The following ERBB4 variants were observed in gnomAD, a reference collection of about 807,000 sequenced individuals.
ERBB4 encodes the protein receptor tyrosine-protein kinase erbB-4.
A neutral mutation model predicts 158.0 loss-of-function variants in ERBB4; 42 were observed. That is an observed-to-expected ratio of 0.27 (90% CI 0.21 to 0.34). The LOEUF (loss-of-function observed/expected upper bound fraction) is 0.34, where lower values mean the gene tolerates loss of function less well. Ranked by LOEUF, ERBB4 falls within the 10% of genes least tolerant of loss-of-function variation. ERBB4 has a pLI of 1.00. For missense variants in ERBB4, 1,333 were observed against 1,624.1 expected, an observed-to-expected ratio of 0.82 and a Z score of 3.08; for synonymous variants, 583 against 558.7, an observed-to-expected ratio of 1.04 and a Z score of -0.61.
chr2:211,770,394 A>G (rs957970055), intron 4 of ERBB4, among the ~76,000 whole-genome samples: 1 of 152,318 alleles, frequency 6.6e-6, no homozygotes, highest in South Asian at 2.1e-4. Context: ...TTAAAAACTC[A>G]CCATTTTAAA....
chr2:212,177,266 A>G (rs2081698244), intron 1 of ERBB4, among the ~76,000 whole-genome samples: 1 of 151,784 alleles, frequency 6.6e-6, no homozygotes, highest in Non-Finnish European at 1.5e-5. Context: ...TGGTGTTCTC[A>G]TTTTTTAAAA....
intron 19 of ERBB4, 137 bp from the exon 20 acceptor site, chr2:211,562,225 T>G: frequency 1.4e-6 from 1 of 727,072 alleles, no homozygotes; most frequent in Non-Finnish European, 2.4e-6. Flanking sequence ...TGAAAAGACA[T>G]AATTTCAGTT....
At chr2:212,223,402 A>T (rs927508787) in intron 1 of ERBB4, among the ~76,000 whole-genome samples, 161 of 141,046 alleles carry the variant, frequency 1.1e-3, no homozygotes, top group Non-Finnish European at 2.0e-3. Context: ...ATCTTCATAT[A>T]TATTTATCAA....
At chr2:211,810,520 G>GT in intron 3 of ERBB4, among the ~76,000 whole-genome samples, 1 of 151,918 alleles carries the variant, frequency 6.6e-6, no homozygotes, top group Non-Finnish European at 1.5e-5. Flanking sequence ...AACCCCGGCC[G>GT]TTTTTTTGCT....
intron 1 of ERBB4, among the ~76,000 whole-genome samples, chr2:212,409,709 A>T (rs73987398): frequency 0.023 from 3,542 of 152,244 alleles, 136 homozygotes; most frequent in African/African-American, 0.081. Context: ...TTAAATTTGC[A>T]GAATGAGTTG....
intron 2 of ERBB4, among the ~76,000 whole-genome samples, chr2:212,003,204 A>G (rs866046996): frequency 1.8e-4 from 9 of 48,806 alleles, no homozygotes; most frequent in African/African-American, 3.7e-4. Context: ...AAAGAAAGAA[A>G]GACAGAAAGA....
At chr2:212,498,037 TTTTA>T (rs1275325686) in intron 1 of ERBB4, among the ~76,000 whole-genome samples, 4 of 152,124 alleles carry the variant, frequency 2.6e-5, no homozygotes, top group African/African-American at 9.7e-5. Flanking sequence ...CCCTAATATA[TTTTA>T]TTTAGCCAAT....
chr2:211,622,989 AAATATATATATATATATATATATATATAT>A lies in ERBB4; in HGVS notation c.2202+904_2202+932del, dbSNP rs1386362415. Among the ~76,000 whole-genome samples the A allele has an allele frequency of 4.3e-3, 75 of 17,414 alleles. 3 individuals are homozygous for A. The highest frequency in any genetic ancestry group is 5.4e-3 in the Non-Finnish European group (56 of 10,336). 11.4% of individuals were successfully genotyped at this position (17,414 alleles called of 152,430 possible). A position where few individuals can be genotyped will look rare whatever the true frequency, so the allele number is the denominator to read the frequency against. On this transcript the variant is annotated intron_variant, in intron 18 of 27. Coordinates refer to ENST00000342788, the MANE Select transcript of ERBB4 (RefSeq NM_005235.3). ...AAAAAAAAAAAAAAAAAAAAAAAAA[AAATATATATATATATATATATATATATAT>A]ATATATATATATATATATATATATA... is the stretch of plus-strand genomic sequence containing the variant.
At chr2:211,660,490 C>T (rs73080746) in intron 15 of ERBB4, among the ~76,000 whole-genome samples, 1 of 152,134 alleles carries the variant, frequency 6.6e-6, no homozygotes, top group South Asian at 2.1e-4. Flanking sequence ...GTGGTACTAT[C>T]CTTGAGAGAA....
chr2:212,411,002 TTAGA>T (rs2091481685), intron 1 of ERBB4, among the ~76,000 whole-genome samples: 1 of 151,666 alleles, frequency 6.6e-6, no homozygotes, highest in African/African-American at 2.4e-5. Flanking sequence ...CAATTTATAT[TTAGA>T]TAAATTAAAA....
chr2:212,447,375 A>C (rs2106005933), intron 1 of ERBB4, among the ~76,000 whole-genome samples: 1 of 149,334 alleles, frequency 6.7e-6, no homozygotes, highest in South Asian at 2.1e-4. Flanking sequence ...GTCCTACAAA[A>C]AGCTATTTTT....
At chr2:212,316,045 A>C (rs2087260753) in intron 1 of ERBB4, among the ~76,000 whole-genome samples, 1 of 151,520 alleles carries the variant, frequency 6.6e-6, no homozygotes, top group Non-Finnish European at 1.5e-5. Flanking sequence ...AGAAAGTTCC[A>C]AATAACTATG....
chr2:211,424,473 A>T (rs552931709), intron 22 of ERBB4, among the ~76,000 whole-genome samples, 172 bp from the exon 23 acceptor site: 1 of 152,060 alleles, frequency 6.6e-6, no homozygotes, highest in African/African-American at 2.4e-5. Flanking sequence ...CCAATGTCAA[A>T]ATCTTTGTGG....
At chr2:212,049,893 A>G (rs560552643) in intron 2 of ERBB4, among the ~76,000 whole-genome samples, 4 of 152,314 alleles carry the variant, frequency 2.6e-5, no homozygotes, top group Non-Finnish European at 1.5e-5. Flanking sequence ...CTACTTTCCA[A>G]GTCTGCACTT....
chr2:211,567,396 A>G (rs2067579786), intron 19 of ERBB4, among the ~76,000 whole-genome samples: 1 of 152,154 alleles, frequency 6.6e-6, no homozygotes, highest in African/African-American at 2.4e-5. Flanking sequence ...ACTAAAATCA[A>G]ACAATACATT....
intron 3 of ERBB4, among the ~76,000 whole-genome samples, chr2:211,793,202 T>C (rs2076314083): frequency 6.6e-6 from 1 of 151,850 alleles, no homozygotes; most frequent in African/African-American, 2.4e-5. Flanking sequence ...TACACTATAT[T>C]TCACTTTAGT....
chr2:211,798,117 A>G (rs1026263400), intron 3 of ERBB4, among the ~76,000 whole-genome samples: 1 of 151,796 alleles, frequency 6.6e-6, no homozygotes, highest in African/African-American at 2.4e-5. Context: ...TATCTCTATC[A>G]CTCCAGAAAA....
intron 5 of ERBB4, among the ~76,000 whole-genome samples, chr2:211,748,770 T>C (rs1336799527): frequency 6.6e-6 from 1 of 152,230 alleles, no homozygotes; most frequent in African/African-American, 2.4e-5. Flanking sequence ...CGGTAGTTTT[T>C]TTCTGCCATG....
intron 1 of ERBB4, among the ~76,000 whole-genome samples, chr2:212,459,815 A>G (rs139143917): frequency 6.6e-6 from 1 of 152,208 alleles, no homozygotes; most frequent in African/African-American, 2.4e-5. Context: ...ATGTTCAACA[A>G]AGGCACCAGA....
Sources: allele counts gnomAD v4.1 joint callset (sites outside exome capture counted in the v4.1 genomes callset), GRCh38; gene constraint gnomAD v4.1.1; transcripts MANE v1.5; gene names NCBI Gene and HGNC (gene_info 2026-07-23, HGNC 2026-07-21).